Variants in KCNB2 observed in about 807,000 individuals in gnomAD.
KCNB2 encodes the protein potassium voltage-gated channel subfamily B member 2.
A neutral mutation model predicts 61.5 loss-of-function variants in KCNB2; 15 were observed. The ratio of observed to expected loss-of-function variants is 0.24; its 90% CI spans 0.16 to 0.38. The LOEUF (loss-of-function observed/expected upper bound fraction) is 0.38, where lower values mean the gene tolerates loss of function less well. Ranked by LOEUF, KCNB2 falls within the 10% of genes least tolerant of loss-of-function variation. The pLI is 1.00. For missense variants in KCNB2, 828 were observed against 1,125.2 expected (o/e 0.74, Z 3.78); for synonymous variants, 457 against 446.0 (o/e 1.02, Z -0.31).
chr8:72,617,178 G>A (rs1805632465), intron 2 of KCNB2, among the ~76,000 whole-genome samples: 1 of 152,094 alleles, frequency 6.6e-6, no homozygotes, highest in African/African-American at 2.4e-5. Context: ...TTAGCTAGGA[G>A]GTATCCTTAT....
At chr8:72,616,125 C>T (rs1051655117) in intron 2 of KCNB2, among the ~76,000 whole-genome samples, 2 of 152,134 alleles carry the variant, frequency 1.3e-5, no homozygotes. Flanking sequence ...CACCTTTTCT[C>T]GCTTAGGTTT....
intron 2 of KCNB2, among the ~76,000 whole-genome samples, chr8:72,715,516 A>G (rs1364963837): frequency 1.3e-5 from 2 of 152,140 alleles, no homozygotes; most frequent in Admixed American, 6.5e-5. Flanking sequence ...CTCACTCAAA[A>G]CCGCTCAACT....
intron 2 of KCNB2, among the ~76,000 whole-genome samples, chr8:72,748,531 G>A (rs372432294): frequency 6.6e-6 from 1 of 151,716 alleles, no homozygotes; most frequent in African/African-American, 2.4e-5. Context: ...TAGAGAAGAA[G>A]GATGAAGTTA....
intron 2 of KCNB2, among the ~76,000 whole-genome samples, chr8:72,788,919 C>A (rs1268590359): frequency 6.6e-6 from 1 of 152,070 alleles, no homozygotes; most frequent in African/African-American, 2.4e-5. Context: ...TTCCAAGGAG[C>A]AAAAACAAGC....
chr8:72,820,446 C>G (rs894744747), intron 2 of KCNB2, among the ~76,000 whole-genome samples: 14 of 152,270 alleles, frequency 9.2e-5, no homozygotes, highest in African/African-American at 1.7e-4. Context: ...GGGTGGCCTC[C>G]TCAATCATGT....
intron 2 of KCNB2, among the ~76,000 whole-genome samples, chr8:72,632,261 G>A (rs1805893965): frequency 6.6e-6 from 1 of 151,572 alleles, no homozygotes; most frequent in African/African-American, 2.4e-5. Context: ...AATGGGAGGG[G>A]GCAATGGAAA....
intron 2 of KCNB2, among the ~76,000 whole-genome samples, chr8:72,707,355 T>G (rs1807243122): frequency 6.6e-6 from 1 of 152,214 alleles, no homozygotes. Context: ...GTGGATGCCT[T>G]TATGTTCCAA....
intron 2 of KCNB2, among the ~76,000 whole-genome samples, chr8:72,800,521 A>C (rs971526222): frequency 2.0e-5 from 3 of 152,160 alleles, no homozygotes; most frequent in Non-Finnish European, 4.4e-5. Context: ...TTTGTAAAGA[A>C]TCCCCAATGA....
At chr8:72,905,297 C>A (rs998078381) in intron 2 of KCNB2, among the ~76,000 whole-genome samples, 2 of 151,998 alleles carry the variant, frequency 1.3e-5, no homozygotes, top group African/African-American at 2.4e-5. Context: ...TCCTTTTTGC[C>A]CCTTTAGTCT....
intron 2 of KCNB2, among the ~76,000 whole-genome samples, chr8:72,685,943 C>T (rs559522628): frequency 1.6e-3 from 240 of 152,246 alleles, no homozygotes; most frequent in Middle Eastern, 6.8e-3. Context: ...GAGCCGAGAT[C>T]GCGCCATTGC....
chr8:72,828,975 G>A (rs569201924), intron 2 of KCNB2, among the ~76,000 whole-genome samples: 1 of 152,250 alleles, frequency 6.6e-6, no homozygotes, highest in Admixed American at 6.5e-5. Context: ...CCAGATTAAC[G>A]TTAGGCTTCT....
intron 2 of KCNB2, among the ~76,000 whole-genome samples, chr8:72,934,223 C>T (rs1441383164): frequency 6.6e-6 from 1 of 151,866 alleles, no homozygotes; most frequent in Non-Finnish European, 1.5e-5. Flanking sequence ...AAAAAATTAG[C>T]TGAGCATGGT....
chr8:72,625,973 A>G (rs1805783664), intron 2 of KCNB2, among the ~76,000 whole-genome samples: 1 of 152,222 alleles, frequency 6.6e-6, no homozygotes, highest in African/African-American at 2.4e-5. Flanking sequence ...TGAAAAGCTT[A>G]AATACATAAC....
intron 2 of KCNB2, among the ~76,000 whole-genome samples, chr8:72,808,640 T>C (rs1255809943): frequency 6.6e-6 from 1 of 152,212 alleles, no homozygotes; most frequent in Non-Finnish European, 1.5e-5. Flanking sequence ...TTTAGTGTCT[T>C]TGCGGACATT....
At chr8:72,705,592 C>G (rs1277239630) in intron 2 of KCNB2, among the ~76,000 whole-genome samples, 1 of 152,140 alleles carries the variant, frequency 6.6e-6, no homozygotes, top group Non-Finnish European at 1.5e-5. Context: ...AGGTGTTTTT[C>G]CAACCTGCTG....
chr8:72,836,358 A>C (rs1169924271), intron 2 of KCNB2, among the ~76,000 whole-genome samples: 3 of 152,254 alleles, frequency 2.0e-5, no homozygotes, highest in African/African-American at 7.2e-5. Context: ...CTTTGAAACA[A>C]GTCTCCAATC....
intron 1 of KCNB2, among the ~76,000 whole-genome samples, chr8:72,549,092 G>A (rs1464140721): frequency 6.6e-6 from 1 of 152,196 alleles, no homozygotes; most frequent in Non-Finnish European, 1.5e-5. Context: ...GCAGTGAGGA[G>A]CAACCACCAC....
chr8:72,836,198 T>C (rs1044559624), intron 2 of KCNB2, among the ~76,000 whole-genome samples: 10 of 152,344 alleles, frequency 6.6e-5, no homozygotes, highest in Non-Finnish European at 1.2e-4. Flanking sequence ...ACTGCAGAGA[T>C]GTTACTCAAA....
intron 2 of KCNB2, among the ~76,000 whole-genome samples, chr8:72,819,624 A>G (rs1027643745): frequency 1.3e-5 from 2 of 152,198 alleles, no homozygotes; most frequent in Non-Finnish European, 2.9e-5. Context: ...AGAGAATTCT[A>G]TGAGATAATA....
Sources: gnomAD v4.1 joint callset for allele counts (sites outside exome capture counted in the v4.1 genomes callset) on GRCh38, gnomAD v4.1.1 for gene constraint, MANE v1.5 for transcripts, NCBI Gene and HGNC (gene_info 2026-07-23, HGNC 2026-07-21) for gene names.